The following SLC16A12 variants were observed in gnomAD, a reference collection of about 807,000 sequenced individuals.
SLC16A12 encodes monocarboxylate transporter 12.
Under a neutral mutation model 42.4 loss-of-function variants are expected in SLC16A12, and 17 were observed. The ratio of observed to expected loss-of-function variants is 0.40; its 90% CI spans 0.27 to 0.60. SLC16A12 has a LOEUF of 0.60. SLC16A12 is among the 20% of genes least tolerant of loss of function. SLC16A12 has a pLI of 0.42. For missense variants in SLC16A12, 544 were observed against 623.0 expected (o/e 0.87, Z 1.35); for synonymous variants, 224 against 229.4 (o/e 0.98, Z 0.21).
rs1402032624 is a variant in SLC16A12 at position 89,534,523 on chromosome 10, T to G, written c.-69A>C. 3 of 151,730 alleles carry G rather than the reference T, an allele frequency of 2.0e-5. No individual in the cohort carries two copies. The highest frequency in any genetic ancestry group is 4.4e-5 in the Non-Finnish European group (3 of 67,992). 9.4% of individuals were successfully genotyped at this position (151,730 alleles called of 1,614,324 possible). On this transcript the variant is annotated 5_prime_UTR_variant, in exon 2 of 8. Coordinates refer to ENST00000371790, the MANE Select transcript of SLC16A12 (RefSeq NM_213606.4). ...CACCTGACTAGACATTTTTAAAAAT[T>G]ATGGCCAGGCACGGTGGCTCACGCC...
At chr10:89,446,287 C>T (rs1462800741) in intron 3 of SLC16A12, among the ~76,000 whole-genome samples, 1 of 151,968 alleles carries the variant, frequency 6.6e-6, no homozygotes, top group East Asian at 1.9e-4. Flanking sequence ...AGAAGAGCAA[C>T]CCCAAGACAC....
chr10:89,458,592 C>T (rs552993442), intron 3 of SLC16A12, among the ~76,000 whole-genome samples: 38 of 152,242 alleles, frequency 2.5e-4, no homozygotes, highest in African/African-American at 8.9e-4. Context: ...TTTTGCCTTT[C>T]GATTCTTCAT....
intron 2 of SLC16A12, among the ~76,000 whole-genome samples, chr10:89,554,119 G>GGAAGGAAGGAAA (rs1843792980): frequency 1.4e-5 from 2 of 141,512 alleles, no homozygotes; most frequent in African/African-American, 2.7e-5. Context: ...AAGGAAGGAA[G>GGAAGGAAGGAAA]GAAGGAAGGA....
intron 2 of SLC16A12, chr10:89,468,009 C>G (rs1842432015): frequency 6.6e-6 from 1 of 152,180 alleles, no homozygotes; most frequent in Non-Finnish European, 1.5e-5. Flanking sequence ...TCACGATTCC[C>G]TTTTCATTTG....
At chr10:89,554,703 G>C (rs961736132) in intron 2 of SLC16A12, among the ~76,000 whole-genome samples, 3 of 152,122 alleles carry the variant, frequency 2.0e-5, no homozygotes, top group Admixed American at 1.3e-4. Flanking sequence ...TAGAGAGAGA[G>C]AAAGAAGAAA....
rs1196402951 is a variant in SLC16A12 at position 89,534,673 on chromosome 10, C to CAAAAAAA, written c.-186-34_-186-33insTTTTTTT. 29 of 122,758 alleles carry CAAAAAAA rather than the reference C, an allele frequency of 2.4e-4. 2 individuals carry two copies. The highest frequency in any genetic ancestry group is 8.9e-4 in the African/African-American group (28 of 31,358). 7.6% of individuals were successfully genotyped at this position (122,758 alleles called of 1,614,324 possible). A position where few individuals can be genotyped will look rare whatever the true frequency, so the allele number is the denominator to read the frequency against. ...AAAAAAAAAAAAAAAAAAAAAAAAT[C>CAAAAAAA]CAAAAATTAGCCGGGCGTGGTGGCG... On this transcript the variant is annotated intron_variant, in intron 1 of 7. Coordinates refer to ENST00000371790, the MANE Select transcript of SLC16A12 (RefSeq NM_213606.4).
At chr10:89,552,541 A>C (rs751892335) in intron 2 of SLC16A12, among the ~76,000 whole-genome samples, 1 of 152,108 alleles carries the variant, frequency 6.6e-6, no homozygotes, top group Non-Finnish European at 1.5e-5. Flanking sequence ...AGAGGGGGAA[A>C]CGTATGGTAC....
intron 2 of SLC16A12, among the ~76,000 whole-genome samples, chr10:89,504,053 C>T (rs1589711946): frequency 6.6e-6 from 1 of 152,216 alleles, no homozygotes; most frequent in African/African-American, 2.4e-5. Context: ...CTCCCCAATA[C>T]ACAATTTTCT....
chr10:89,454,890 A>G (rs1293666131), intron 3 of SLC16A12, among the ~76,000 whole-genome samples: 1 of 152,024 alleles, frequency 6.6e-6, no homozygotes, highest in Non-Finnish European at 1.5e-5. Flanking sequence ...CTCACACTGA[A>G]TCCCAAATAT....
Position 89,438,728 on chromosome 10 carries a change from CAA to C in SLC16A12, c.902_903del (p.Phe301CysfsTer28). 6.2e-7 allele frequency: 1 copy of C among 1,614,148 alleles called. No individual in the cohort carries two copies. The highest frequency in any genetic ancestry group is 8.5e-7 in the Non-Finnish European group (1 of 1,180,022). On this transcript the variant is annotated frameshift_variant, in exon 6 of 8. Coordinates refer to ENST00000371790, the MANE Select transcript of SLC16A12 (RefSeq NM_213606.4). LOFTEE classifies it high-confidence loss of function. ...LFMAYGCSPL[F>X]VYLVPYALSV... ...CTCAAAGCATAAGGCACCAAGTACA[CAA>C]AGAGAGGGCTGCAGCCATAAGCCAT...
At position 89,458,766 on chromosome 10, in the gene SLC16A12, T is replaced by C. The variant is rs561380252; in HGVS notation, c.200+3613A>G. 7.9e-5 allele frequency among the ~76,000 whole-genome samples: 12 copies of C among 152,322 alleles called. No individual in the cohort carries two copies. In the East Asian group the frequency reaches 2.3e-3, roughly 29 times the overall value. ...CTGACACTTTTGAACAGTTTTTAAG[T>C]TCTTAAAATACATCCAATCATGAAT... On this transcript the variant is annotated intron_variant, in intron 3 of 7. Transcript: ENST00000371790.
chr10:89,475,526 A>G (rs898912857), intron 2 of SLC16A12, among the ~76,000 whole-genome samples: 5 of 152,214 alleles, frequency 3.3e-5, no homozygotes, highest in Non-Finnish European at 7.3e-5. Context: ...GAGACAATAC[A>G]TATATAATGT....
chr10:89,442,513 C>A lies in SLC16A12; in HGVS notation c.304+1243G>T, dbSNP rs114404493. Among the ~76,000 whole-genome samples the A allele has an allele frequency of 5.0e-3, 763 of 152,208 alleles. 1 individual carries two copies. The highest frequency in any genetic ancestry group is 0.018 in the African/African-American group (733 of 41,518). ...AATGAGGGAAATTAGTCACTTTTAT[C>A]CTCTGAGAAGACAAACATGGCTTCT... On this transcript the variant is annotated intron_variant, in intron 4 of 7. Transcript: ENST00000371790.
rs111707962 is a variant in SLC16A12, at chr10:89,477,921, G to C, written c.-46-15297C>G. Among the ~76,000 whole-genome samples the C allele has an allele frequency of 5.0e-3, 644 of 129,826 alleles. 3 individuals carry two copies. Among genetic ancestry groups the C allele is most frequent in the African/African-American group, 0.018 (616 of 33,560 alleles). 85.2% of individuals were successfully genotyped at this position (129,826 alleles called of 152,430 possible). A position where few individuals can be genotyped will look rare whatever the true frequency, so the allele number is the denominator to read the frequency against. Reference sequence around the variant, plus strand: ...CCTCTGTTTATTAAGAGTAGGACTTGTGCCTTGGAGAACATGAGTTCTTTC... The same window carrying C: ...CCTCTGTTTATTAAGAGTAGGACTTCTGCCTTGGAGAACATGAGTTCTTTC... On this transcript the variant is annotated intron_variant, in intron 2 of 7. Coordinates refer to ENST00000371790, the MANE Select transcript of SLC16A12 (RefSeq NM_213606.4).
At chr10:89,445,950 C>T (rs991029841) in intron 3 of SLC16A12, among the ~76,000 whole-genome samples, 9 of 152,166 alleles carry the variant, frequency 5.9e-5, no homozygotes, top group East Asian at 1.9e-4. Flanking sequence ...ATGAGAACTA[C>T]GTGACGCATA....
At chr10:89,433,905 TC>T (rs1841735312) in intron 7 of SLC16A12, among the ~76,000 whole-genome samples, 1 of 152,166 alleles carries the variant, frequency 6.6e-6, no homozygotes, top group Non-Finnish European at 1.5e-5. Context: ...AATATCTATC[TC>T]AGCTCTAAAT....
rs182255563 is a variant in SLC16A12, at chr10:89,547,646, G to C, written c.-47+8236C>G. Reference sequence around the variant, plus strand: ...GGTATGTGATCATTTTGTTTCAAAAGAAAAGGGTACATGATTATTTTGATA... The same window carrying C: ...GGTATGTGATCATTTTGTTTCAAAACAAAAGGGTACATGATTATTTTGATA... On this transcript the variant is annotated intron_variant, in intron 2 of 2. Transcript: ENST00000475682. 1.0e-3 allele frequency among the ~76,000 whole-genome samples: 153 copies of C among 152,280 alleles called. 1 individual carries two copies. The highest frequency in any genetic ancestry group is 3.5e-3 in the African/African-American group (144 of 41,560).
At chr10:89,521,787 C>CTG in intron 2 of SLC16A12, among the ~76,000 whole-genome samples, 1 of 152,308 alleles carries the variant, frequency 6.6e-6, no homozygotes, top group African/African-American at 2.4e-5. Flanking sequence ...CCAAAGTTAC[C>CTG]TGTGATGTGT....
intron 3 of SLC16A12, among the ~76,000 whole-genome samples, chr10:89,461,466 C>A (rs1376306792): frequency 1.3e-5 from 2 of 152,186 alleles, no homozygotes; most frequent in African/African-American, 4.8e-5. Flanking sequence ...TAGACCCTAA[C>A]CTTGTGTAAG....
Sources: allele counts gnomAD v4.1 joint callset (sites outside exome capture counted in the v4.1 genomes callset), GRCh38; gene constraint gnomAD v4.1.1; transcripts MANE v1.5; gene names NCBI Gene and HGNC (gene_info 2026-07-23, HGNC 2026-07-21).